Variants in ALPK1 observed in about 807,000 individuals in gnomAD.
ALPK1 encodes the protein alpha kinase 1, also known as alpha-protein kinase 1.
ALPK1 carries 110 observed loss-of-function variants against 120.6 expected under a neutral mutation model. The ratio of observed to expected loss-of-function variants is 0.91; its 90% CI spans 0.78 to 1.07. ALPK1 has a LOEUF of 1.07. Ranked by LOEUF, ALPK1 falls within the 50% of genes least tolerant of loss-of-function variation. The pLI, the probability that ALPK1 is intolerant of heterozygous loss-of-function variation, is 0.00. For synonymous variants in ALPK1, 582 were observed against 560.3 expected (o/e 1.04, Z -0.55); for missense variants, 1,498 against 1,483.9 (o/e 1.01, Z -0.16).
chr4:112,435,474 T>G (rs2148765735), intron 12 of ALPK1, among the ~76,000 whole-genome samples, 173 bp downstream of exon 12: 1 of 152,302 alleles, frequency 6.6e-6, no homozygotes, highest in African/African-American at 2.4e-5. Context: ...TTACTATATA[T>G]TGAGGACCCA....
intron 2 of ALPK1, among the ~76,000 whole-genome samples, chr4:112,316,920 T>C (rs1578457555): frequency 6.6e-6 from 1 of 152,332 alleles, no homozygotes; most frequent in African/African-American, 2.4e-5. Context: ...AAAGGATGTT[T>C]CTTCACAAAT....
At position 112,431,142 on chromosome 4, in the gene ALPK1, G is replaced by A. The variant is rs1560686334; in HGVS notation, c.1595G>A (p.Arg532Lys). ...GGTAAGAATGTTCAGAGGGAACTCA[G>A]AAGGGGAGGAAGGAGAAACTGGACC... ...LMGKNVQREL[R>K]RGGRRNWTHS... The change falls in exon 11 of 16, where the codon AGA becomes AAA. Residue 532 changes from arginine (R) to lysine (K), a missense_variant. Physicochemically the swap from Arg to Lys is conservative, Grantham distance 26. Coordinates refer to ENST00000650871, the MANE Select transcript of ALPK1 (RefSeq NM_025144.4). The A allele has an allele frequency of 6.2e-7, 1 of 1,614,162 alleles. No individual in the cohort carries two copies. The highest frequency in any genetic ancestry group is 1.7e-5 in the Admixed American group (1 of 60,030).
At chr4:112,299,887 G>A in intron 1 of ALPK1, among the ~76,000 whole-genome samples, 1 of 152,096 alleles carries the variant, frequency 6.6e-6, no homozygotes, top group South Asian at 2.1e-4. Context: ...AATACTACAG[G>A]TTCATTCTGC....
Position 112,383,956 on chromosome 4 carries a change from A to G in ALPK1, c.276+1404A>G, listed in dbSNP as rs554501313. On this transcript the variant is annotated intron_variant, in intron 4 of 15. Transcript: ENST00000650871. ...ATGCCTATTTTGTAATAAGGTATTG[A>G]ATATTTTGTGTAATTTAGTGAATAC... is the stretch of plus-strand genomic sequence containing the variant. 4 of 152,350 alleles carry G rather than the reference A, an allele frequency of 2.6e-5. No homozygotes were observed. In the East Asian group the frequency reaches 7.7e-4, roughly 29 times the overall value. The allele number at this position is 152,350 out of a possible 1,614,324, so 9.4% of individuals were successfully genotyped here.
At chr4:112,357,613 T>A in intron 2 of ALPK1, 12 of 1,605,012 alleles carry the variant, frequency 7.5e-6, no homozygotes, top group Non-Finnish European at 1.0e-5. Context: ...TTTCCCAGTC[T>A]GCCTGGAGAA....
chr4:112,324,866 A>G (rs1220560172), intron 2 of ALPK1, among the ~76,000 whole-genome samples: 1 of 151,622 alleles, frequency 6.6e-6, no homozygotes, highest in Non-Finnish European at 1.5e-5. Context: ...ATTCTGTGAA[A>G]GTAAGAATTG....
At chr4:112,409,327 G>C (rs1290741409) in intron 4 of ALPK1, among the ~76,000 whole-genome samples, 1 of 152,130 alleles carries the variant, frequency 6.6e-6, no homozygotes, top group Non-Finnish European at 1.5e-5. Context: ...GTGTGCCTTA[G>C]AAAGGCAGTT....
At chr4:112,326,532 GAGAA>G (rs1040940268) in intron 2 of ALPK1, among the ~76,000 whole-genome samples, 6 of 152,124 alleles carry the variant, frequency 3.9e-5, no homozygotes, top group African/African-American at 1.4e-4. Flanking sequence ...TGTGGAGAGA[GAGAA>G]AGAAAGGGAG....
intron 2 of ALPK1, among the ~76,000 whole-genome samples, chr4:112,360,189 T>C (rs1271609910): frequency 6.6e-6 from 1 of 152,146 alleles, no homozygotes; most frequent in Non-Finnish European, 1.5e-5. Flanking sequence ...TCTTTCTGTA[T>C]CTGTCTTATT....
At position 112,432,576 on chromosome 4, in the gene ALPK1, C is replaced by G. The variant is rs1453010371; in HGVS notation, c.3029C>G (p.Ala1010Gly). Residue 1010 changes from alanine (A) to glycine (G), a missense_variant, in exon 11 of 16, where the codon GCA becomes GGA. Ala to Gly is a moderately conservative substitution (Grantham distance 60). Transcript: ENST00000650871. Reference protein sequence around the residue: ...GVFKPSQLHRAHSALLLKYSK... With the variant: ...GVFKPSQLHRGHSALLLKYSK... The stretch of plus-strand genomic sequence containing the variant: ...TTTAAGCCCAGTCAACTCCACCGAG[C>G]ACATAGTAAGTACAATCTTTTCAAT... 6.2e-7 allele frequency: 1 copy of G among 1,609,692 alleles called. No individual in the cohort carries two copies. Among genetic ancestry groups the G allele is most frequent in the African/African-American group, 1.3e-5 (1 of 74,886 alleles).
intron 2 of ALPK1, among the ~76,000 whole-genome samples, chr4:112,324,984 G>C (rs554710560): frequency 1.3e-4 from 18 of 136,022 alleles, no homozygotes; most frequent in South Asian, 2.8e-4. Context: ...AGGGGGGGGG[G>C]GGCAAATAGA....
chr4:112,373,297 CAT>C (rs964402782), intron 2 of ALPK1, among the ~76,000 whole-genome samples: 1 of 152,204 alleles, frequency 6.6e-6, no homozygotes, highest in Non-Finnish European at 1.5e-5. Context: ...AAGGAATGAA[CAT>C]ATGCTCCTGT....
intron 2 of ALPK1, among the ~76,000 whole-genome samples, chr4:112,333,483 T>A (rs1278512489): frequency 6.6e-6 from 1 of 152,234 alleles, no homozygotes; most frequent in East Asian, 1.9e-4. Flanking sequence ...AGTATCTGTG[T>A]ATCTTCATCC....
intron 1 of ALPK1, among the ~76,000 whole-genome samples, chr4:112,302,130 T>C (rs1163962851): frequency 6.6e-6 from 1 of 152,292 alleles, no homozygotes; most frequent in East Asian, 1.9e-4. Flanking sequence ...TTAGCCCATC[T>C]GTCAAGACCT....
At chr4:112,321,278 T>C (rs1728858150) in intron 2 of ALPK1, among the ~76,000 whole-genome samples, 1 of 152,210 alleles carries the variant, frequency 6.6e-6, no homozygotes, top group Non-Finnish European at 1.5e-5. Context: ...CTAACAATTT[T>C]ATTTAACTTT....
chr4:112,328,548 C>T (rs994284715), intron 2 of ALPK1, among the ~76,000 whole-genome samples: 3 of 152,216 alleles, frequency 2.0e-5, no homozygotes, highest in African/African-American at 7.2e-5. Flanking sequence ...CCTTTAGGGA[C>T]CAATTACCAT....
At chr4:112,415,591 C>T (rs13122409) in intron 5 of ALPK1, among the ~76,000 whole-genome samples, 26,557 of 150,506 alleles carry the variant, frequency 0.18, 2,867 homozygotes, top group Non-Finnish European at 0.24. Flanking sequence ...GAGCTGAGAT[C>T]ATGCCATTGC....
chr4:112,299,928 CA>C (rs909954236), intron 1 of ALPK1, among the ~76,000 whole-genome samples: 10 of 152,134 alleles, frequency 6.6e-5, no homozygotes, highest in East Asian at 1.9e-4. Flanking sequence ...ACTCAGGGGC[CA>C]GGGGGGACTT....
In ALPK1 at chr4:112,431,050, T is replaced by A. The variant is rs746258494; in HGVS notation, c.1503T>A (p.Asp501Glu). 2 of 1,613,936 alleles carry A rather than the reference T, an allele frequency of 1.2e-6. No individual in the cohort carries two copies. The highest frequency in any genetic ancestry group is 1.7e-5 in the Admixed American group (1 of 59,962). Residue 501 changes from aspartate to glutamate, a missense_variant, in exon 11 of 16, where the codon GAT (aspartate) becomes GAA (glutamate). Asp to Glu is a conservative substitution (Grantham distance 45). Transcript: ENST00000650871. ...TALKTEIKNIDTVSTTQEKPH... is the reference protein window; with the variant it reads ...TALKTEIKNIETVSTTQEKPH... ...TAAAAACAGAAATAAAAAACATAGA[T>A]ACTGTGAGTACTACTCAAGAAAAGC...
Sources: gnomAD v4.1 joint callset for allele counts (sites outside exome capture counted in the v4.1 genomes callset) on GRCh38, gnomAD v4.1.1 for gene constraint, MANE v1.5 for transcripts, NCBI Gene and HGNC (gene_info 2026-07-23, HGNC 2026-07-21) for gene names.